Variants in UGT1A3 observed in about 807,000 individuals in gnomAD.
UGT1A3 encodes the protein UDP glucuronosyltransferase family 1 member A3, also known as UDP-glucuronosyltransferase 1A3.
UGT1A3 carries 31 observed loss-of-function variants against 41.0 expected under a neutral mutation model. That is an observed-to-expected ratio of 0.76 (90% CI 0.57 to 1.02). UGT1A3 has a LOEUF of 1.02. Ranked by LOEUF, UGT1A3 falls within the 50% of genes least tolerant of loss-of-function variation. The pLI, the probability that UGT1A3 is intolerant of heterozygous loss-of-function variation, is 0.00. For synonymous variants in UGT1A3, 262 were observed against 257.6 expected (o/e 1.02, Z -0.17); for missense variants, 737 against 671.0 (o/e 1.10, Z -1.09).
chr2:233,743,698 C>T (rs368889261), intron 1 of UGT1A3: 29 of 1,367,192 alleles, frequency 2.1e-5, no homozygotes, highest in Middle Eastern at 2.1e-4. Context: ...AGCCGCCCTC[C>T]GCCCCCGCCT....
chr2:233,760,175 C>CT (rs1329658186), intron 1 of UGT1A3: 8 of 1,540,648 alleles, frequency 5.2e-6, no homozygotes, highest in Non-Finnish European at 6.1e-6. Flanking sequence ...GGACTGACAG[C>CT]TTTTTATAGT....
rs559233241 is a variant in UGT1A3 at position 233,729,998 on chromosome 2, G to A, written c.867+5G>A. 3 of 1,613,920 alleles carry A rather than the reference G, an allele frequency of 1.9e-6. No individual in the cohort carries two copies. In the East Asian group the frequency reaches 6.7e-5, roughly 36 times the overall value. On this transcript the variant is annotated splice_donor_5th_base_variant and intron_variant, in intron 1 of 4. Coordinates refer to ENST00000482026, the MANE Select transcript of UGT1A3 (RefSeq NM_019093.4). Reference sequence around the variant, plus strand: ...AACAGGAAGCCACTATCTCAGGTCTGTATTGGTGCCTTCATCCAATCAATG... The same window carrying A: ...AACAGGAAGCCACTATCTCAGGTCTATATTGGTGCCTTCATCCAATCAATG...
chr2:233,730,948 C>T (rs2078091104), intron 1 of UGT1A3, among the ~76,000 whole-genome samples: 2 of 152,126 alleles, frequency 1.3e-5, no homozygotes, highest in African/African-American at 4.8e-5. Flanking sequence ...ATTTGGGTTT[C>T]GTTGAAATGG....
intron 1 of UGT1A3, among the ~76,000 whole-genome samples, chr2:233,766,156 G>C (rs1699057554): frequency 6.6e-6 from 1 of 152,196 alleles, no homozygotes; most frequent in Admixed American, 6.5e-5. Context: ...TGGGCTTGGA[G>C]AATGAGTGCA....
intron 1 of UGT1A3, chr2:233,760,795 T>C (rs1035248479): frequency 1.2e-5 from 19 of 1,613,472 alleles, no homozygotes; most frequent in Non-Finnish European, 1.5e-5. Context: ...GCCCACTGTA[T>C]TCTTCTTGCA....
intron 4 of UGT1A3, chr2:233,770,393 C>G (rs1386962280): frequency 3.3e-5 from 5 of 152,162 alleles, no homozygotes; most frequent in Admixed American, 3.3e-4. Context: ...GTGGCTCATG[C>G]CTGTAGTCCC....
intron 1 of UGT1A3, among the ~76,000 whole-genome samples, chr2:233,734,727 CG>C (rs2078556253): frequency 6.6e-6 from 1 of 150,514 alleles, no homozygotes; most frequent in East Asian, 2.0e-4. Context: ...TTGTTCTCGT[CG>C]GTTTCAAAGA....
rs958541757 is a variant in UGT1A3 at position 233,749,447 on chromosome 2, G to A, written c.868-17587G>A. Among the ~76,000 whole-genome samples, 14 of 151,852 alleles carry A rather than the reference G, an allele frequency of 9.2e-5. 1 individual carries two copies. Among genetic ancestry groups the A allele is most frequent in the African/African-American group, 3.4e-4 (14 of 41,136 alleles). ...AAAACTTCACTGTCATCTCAGTGGAGCAGAACGAATTGGGAACTGTGGCAC... is the reference window on the plus strand; with the variant it reads ...AAAACTTCACTGTCATCTCAGTGGAACAGAACGAATTGGGAACTGTGGCAC... On this transcript the variant is annotated intron_variant, in intron 1 of 4. Transcript: ENST00000482026.
rs573018562 is a variant in UGT1A3 at position 233,765,032 on chromosome 2, G to A, written c.868-2002G>A. On this transcript the variant is annotated intron_variant, in intron 1 of 4. Transcript: ENST00000482026. Reference sequence around the variant, plus strand: ...AATCAGGCTTGGCAGGAGTCCTGCTGTGCAAATTGCGTTTGCTGAGCCCTG... The same window carrying A: ...AATCAGGCTTGGCAGGAGTCCTGCTATGCAAATTGCGTTTGCTGAGCCCTG... 2.6e-5 allele frequency among the ~76,000 whole-genome samples: 4 copies of A among 152,152 alleles called. No homozygotes were observed. In the East Asian group the frequency reaches 7.7e-4, roughly 29 times the overall value.
At chr2:233,748,569 T>C (rs556466640) in intron 1 of UGT1A3, among the ~76,000 whole-genome samples, 1 of 151,818 alleles carries the variant, frequency 6.6e-6, no homozygotes, top group African/African-American at 2.4e-5. Context: ...GAAGTAGAAG[T>C]GTTAAAGAGG....
At chr2:233,734,123 A>ATAATAAT (rs1384319848) in intron 1 of UGT1A3, among the ~76,000 whole-genome samples, 2 of 151,918 alleles carry the variant, frequency 1.3e-5, no homozygotes, top group Non-Finnish European at 2.9e-5. Flanking sequence ...AATAATAATA[A>ATAATAAT]AAAGAATTTG....
chr2:233,730,143 C>G, intron 1 of UGT1A3, 150 bp downstream of exon 1: 1 of 1,515,100 alleles, frequency 6.6e-7, no homozygotes, highest in African/African-American at 1.4e-5. Flanking sequence ...GTGAGATAAA[C>G]TGTTAAGGGG....
chr2:233,757,162 G>C (rs1696424537), intron 1 of UGT1A3, among the ~76,000 whole-genome samples: 1 of 151,472 alleles, frequency 6.6e-6, no homozygotes, highest in African/African-American at 2.4e-5. Context: ...GTCTATCCCA[G>C]AGTTTTGAGA....
intron 1 of UGT1A3, among the ~76,000 whole-genome samples, chr2:233,738,515 G>A (rs2125816431): frequency 6.6e-6 from 1 of 152,322 alleles, no homozygotes; most frequent in African/African-American, 2.4e-5. Context: ...TGCTGATAAT[G>A]TTGTGGACAA....
intron 1 of UGT1A3, chr2:233,760,236 A>ATC: frequency 8.2e-6 from 13 of 1,590,176 alleles, no homozygotes; most frequent in Non-Finnish European, 1.1e-5. Context: ...TTTTTGCCAT[A>ATC]TATATATATA....
intron 1 of UGT1A3, among the ~76,000 whole-genome samples, chr2:233,739,239 G>C (rs1225583543): frequency 6.6e-6 from 1 of 152,230 alleles, no homozygotes; most frequent in Non-Finnish European, 1.5e-5. Context: ...ACCTCTGCTA[G>C]AGAAGGGTGG....
rs750440547 is a variant in UGT1A3, at chr2:233,743,766, C to T, written c.867+13773C>T. 28 of 1,367,250 alleles carry T rather than the reference C, an allele frequency of 2.0e-5. No homozygotes were observed. In the South Asian group the frequency reaches 2.2e-4, roughly 11 times the overall value. The allele number at this position is 1,367,250 out of a possible 1,614,324, so 84.7% of individuals were successfully genotyped here. Reference sequence around the variant, plus strand: ...GCGTCCGACAACACCTCGTAGGCCTCGGCCACCTGCTTGAATCTCCTCTCC... The same window carrying T: ...GCGTCCGACAACACCTCGTAGGCCTTGGCCACCTGCTTGAATCTCCTCTCC... On this transcript the variant is annotated intron_variant, in intron 1 of 4. Coordinates refer to ENST00000482026, the MANE Select transcript of UGT1A3 (RefSeq NM_019093.4).
rs939309903 is a variant in UGT1A3, at chr2:233,740,736, CCT to C, written c.867+10744_867+10745del. ...CATCTTTGCACCACAGGAAATGCCC[CCT>C]TTTACACTCTGAAAACCTTATCAAA... On this transcript the variant is annotated intron_variant, in intron 1 of 4. Coordinates refer to ENST00000482026, the MANE Select transcript of UGT1A3 (RefSeq NM_019093.4). 6.7e-4 allele frequency: 101 copies of C among 151,790 alleles called. 3 individuals are homozygous for C. The highest frequency in any genetic ancestry group is 2.3e-3 in the African/African-American group (96 of 41,118). 9.4% of individuals were successfully genotyped at this position (151,790 alleles called of 1,614,324 possible).
At chr2:233,742,932 T>A in intron 1 of UGT1A3, 1 of 195,120 alleles carries the variant, frequency 5.1e-6, no homozygotes. Flanking sequence ...CTGAACATTC[T>A]GTCCTACCAC....
Sources: gnomAD v4.1 joint callset for allele counts (sites outside exome capture counted in the v4.1 genomes callset) on GRCh38, gnomAD v4.1.1 for gene constraint, MANE v1.5 for transcripts, NCBI Gene and HGNC (gene_info 2026-07-23, HGNC 2026-07-21) for gene names.